KLHL3: variants seen among roughly 807,000 people sequenced by gnomAD.
The protein encoded by KLHL3 is kelch-like protein 3.
In KLHL3, 19 loss-of-function variants were observed where a neutral mutation model predicts 70.5. The ratio of observed to expected loss-of-function variants is 0.27; its 90% CI spans 0.19 to 0.40. The LOEUF (loss-of-function observed/expected upper bound fraction) is 0.40, where lower values mean the gene tolerates loss of function less well. KLHL3 is among the 10% of genes least tolerant of loss of function. The pLI is 1.00. For synonymous variants in KLHL3, 258 were observed against 290.3 expected, an observed-to-expected ratio of 0.89 and a Z score of 1.13; for missense variants, 512 against 771.1, an observed-to-expected ratio of 0.66 and a Z score of 3.98.
chr5:137,671,640 C>A (rs924038383), intron 6 of KLHL3: 1 of 152,198 alleles, frequency 6.6e-6, no homozygotes, highest in South Asian at 2.1e-4. Flanking sequence ...TAATCTCTGC[C>A]TTGCAACTTG....
Position 137,628,421 on chromosome 5 carries a change from G to A in KLHL3, c.1467C>T (p.Ser489=), listed in dbSNP as rs769290680. 2.2e-5 allele frequency: 36 copies of A among 1,613,958 alleles called. No individual in the cohort carries two copies. The highest frequency in any genetic ancestry group is 1.6e-4 in the Middle Eastern group (1 of 6,084). The change falls in exon 13 of 15, where the codon AGC becomes AGT. Residue 489 remains serine (S), a synonymous_variant. Transcript: ENST00000309755. ...GCCCACCTGTGGCGTACAGCTGTCCGCTAAGCACTCCAACCCCTGAAAGGC... is the reference window on the plus strand; with the variant it reads ...GCCCACCTGTGGCGTACAGCTGTCCACTAAGCACTCCAACCCCTGAAAGGC... ...RRSGAGVGVL[S]GQLYATGGHD...
chr5:137,643,669 G>A (rs1369779398), intron 8 of KLHL3, among the ~76,000 whole-genome samples: 1 of 152,054 alleles, frequency 6.6e-6, no homozygotes, highest in Non-Finnish European at 1.5e-5. Flanking sequence ...GCATACATTG[G>A]GTGATGATCA....
At chr5:137,644,974 T>C (rs1480368480) in intron 8 of KLHL3, among the ~76,000 whole-genome samples, 5 of 152,166 alleles carry the variant, frequency 3.3e-5, no homozygotes, top group Admixed American at 1.3e-4. Context: ...CGTGATCAAA[T>C]AGATTCATCC....
intron 7 of KLHL3, among the ~76,000 whole-genome samples, chr5:137,659,798 T>C (rs1211867987): frequency 6.6e-6 from 1 of 152,250 alleles, no homozygotes; most frequent in African/African-American, 2.4e-5. Flanking sequence ...AATGAATGCC[T>C]CTAAATTGTA....
intron 1 of KLHL3, among the ~76,000 whole-genome samples, chr5:137,731,826 G>A (rs1365665165): frequency 2.0e-5 from 3 of 152,296 alleles, no homozygotes; most frequent in African/African-American, 7.2e-5. Flanking sequence ...ATCTGCCACA[G>A]TCTGGGCCTG....
At chr5:137,668,931 C>CCAT (rs1049247708) in intron 6 of KLHL3, among the ~76,000 whole-genome samples, 3 of 149,918 alleles carry the variant, frequency 2.0e-5, no homozygotes, top group African/African-American at 7.3e-5. Context: ...ACTGGCTGAG[C>CCAT]GATGTCCTGG....
intron 8 of KLHL3, 135 bp from the exon 9 acceptor site, chr5:137,640,112 G>C (rs770771495): frequency 1.4e-6 from 1 of 705,688 alleles, no homozygotes; most frequent in Non-Finnish European, 2.5e-6. Flanking sequence ...TACATACATG[G>C]GGATGCTGCT....
chr5:137,645,178 C>T (rs111678286), intron 8 of KLHL3, among the ~76,000 whole-genome samples: 1,564 of 152,142 alleles, frequency 0.01, 30 homozygotes, highest in African/African-American at 0.036. Context: ...ATAATAGAGG[C>T]CATATATGAC....
intron 1 of KLHL3, among the ~76,000 whole-genome samples, chr5:137,733,115 C>A (rs1258565957): frequency 6.6e-6 from 1 of 152,112 alleles, no homozygotes; most frequent in Non-Finnish European, 1.5e-5. Context: ...GAATGAGCAC[C>A]AGATTGAGGA....
At chr5:137,662,425 C>A (rs1393003414) in intron 6 of KLHL3, among the ~76,000 whole-genome samples, 2 of 152,152 alleles carry the variant, frequency 1.3e-5, no homozygotes, top group Admixed American at 6.5e-5. Flanking sequence ...GAAGATCAGA[C>A]CCTGGGGGCA....
chr5:137,717,964 G>T (rs1433172713), intron 2 of KLHL3, among the ~76,000 whole-genome samples: 1 of 152,206 alleles, frequency 6.6e-6, no homozygotes, highest in African/African-American at 2.4e-5. Context: ...AAAACACTTG[G>T]TCTATATGCA....
chr5:137,726,116 T>C (rs1408450214), intron 1 of KLHL3, among the ~76,000 whole-genome samples: 1 of 152,342 alleles, frequency 6.6e-6, no homozygotes, highest in African/African-American at 2.4e-5. Flanking sequence ...CATCTGACCA[T>C]GACTTTCAGA....
intron 6 of KLHL3, among the ~76,000 whole-genome samples, chr5:137,676,082 G>A (rs967436483): frequency 3.9e-5 from 6 of 152,184 alleles, no homozygotes; most frequent in Admixed American, 3.3e-4. Context: ...CGCATTCAAG[G>A]AAGCCAAGGC....
At chr5:137,641,640 C>CGTAT (rs1218712845) in intron 8 of KLHL3, among the ~76,000 whole-genome samples, 3 of 152,148 alleles carry the variant, frequency 2.0e-5, no homozygotes, top group Non-Finnish European at 4.4e-5. Flanking sequence ...TCCCACCATA[C>CGTAT]GGGAGGCAAA....
chr5:137,720,956 C>T (rs776634404), intron 1 of KLHL3: 31 of 905,862 alleles, frequency 3.4e-5, no homozygotes, highest in African/African-American at 5.4e-5. Flanking sequence ...CCAGGCACTG[C>T]GTTTAGATTT....
At chr5:137,680,468 T>C (rs897083666) in intron 5 of KLHL3, among the ~76,000 whole-genome samples, 11 of 152,190 alleles carry the variant, frequency 7.2e-5, no homozygotes, top group Non-Finnish European at 1.5e-5. Flanking sequence ...TAAGAAACTC[T>C]TTAGAAATGA....
chr5:137,671,949 C>T (rs1288477951), intron 6 of KLHL3: 1 of 152,030 alleles, frequency 6.6e-6, no homozygotes, highest in East Asian at 1.9e-4. Flanking sequence ...TCAATACAAA[C>T]TTCCTGTTTA....
At chr5:137,637,266 TG>T in intron 11 of KLHL3, 27 bp downstream of exon 11, 1 of 1,592,992 alleles carries the variant, frequency 6.3e-7, no homozygotes, top group East Asian at 2.2e-5. Flanking sequence ...CAGGTAGGCC[TG>T]GCCACTGGCC....
intron 6 of KLHL3, among the ~76,000 whole-genome samples, chr5:137,668,410 AAAAC>A (rs1278375572): frequency 6.6e-6 from 1 of 152,144 alleles, no homozygotes; most frequent in Non-Finnish European, 1.5e-5. Flanking sequence ...ACTCTGTCTC[AAAAC>A]AAACAAACAA....
Sources: allele counts gnomAD v4.1 joint callset (sites outside exome capture counted in the v4.1 genomes callset), GRCh38; gene constraint gnomAD v4.1.1; transcripts MANE v1.5; gene names NCBI Gene and HGNC (gene_info 2026-07-23, HGNC 2026-07-21).